HEBP1: variants seen among roughly 807,000 people sequenced by gnomAD.
HEBP1 encodes heme-binding protein 1.
HEBP1 carries 13 observed loss-of-function variants against 20.4 expected under a neutral mutation model. That is an observed-to-expected ratio of 0.64 (90% confidence interval 0.42 to 1.01). HEBP1 has a LOEUF of 1.01. HEBP1 is among the 50% of genes least tolerant of loss of function. HEBP1 has a pLI of 0.00. For missense variants in HEBP1, 241 were observed against 247.3 expected, an observed-to-expected ratio of 0.97 and a Z score of 0.17; for synonymous variants, 92 against 90.7, an observed-to-expected ratio of 1.01 and a Z score of -0.08.
intron 3 of HEBP1, among the ~76,000 whole-genome samples, chr12:12,976,964 G>A (rs941595675): frequency 6.6e-6 from 1 of 152,210 alleles, no homozygotes; most frequent in Non-Finnish European, 1.5e-5. Flanking sequence ...TCAAGTGCTG[G>A]AGGTGGAAGC....
chr12:12,983,940 A>C (rs1472527253), intron 3 of HEBP1: 6 of 329,248 alleles, frequency 1.8e-5, no homozygotes, highest in Non-Finnish European at 3.0e-5. Flanking sequence ...GAGCTGTGTC[A>C]AAAGGACCAA....
chr12:12,996,651 A>T lies in HEBP1; in HGVS notation c.78+3386T>A, dbSNP rs200879389. Among the ~76,000 whole-genome samples, 62 of 16,702 alleles carry T rather than the reference A, an allele frequency of 3.7e-3. No individual in the cohort carries two copies. Among genetic ancestry groups the T allele is most frequent in the African/African-American group, 4.8e-3 (61 of 12,822 alleles). The allele number at this position is 16,702 out of a possible 152,430, so 11.0% of individuals were successfully genotyped here. A position where few individuals can be genotyped will look rare whatever the true frequency, so the allele number is the denominator to read the frequency against. ...ATAATACCTTTATGTTTGTATATTT[A>T]AAAAAAAAAAGGTTTACAAGTATCT... On this transcript the variant is annotated intron_variant, in intron 1 of 3. Coordinates refer to ENST00000014930, the MANE Select transcript of HEBP1 (RefSeq NM_015987.5). This position sits in a 1 kb window ranked among gnomAD's most constrained non-coding sequence, Gnocchi z 4.1.
At position 12,980,567 on chromosome 12, in the gene HEBP1, T is replaced by G. The variant is rs547895784; in HGVS notation, c.399-5088A>C. On this transcript the variant is annotated intron_variant, in intron 3 of 3. Transcript: ENST00000014930. ...ATCTCTTCTTGATGCTGGCAATGAA[T>G]AGTATGACAACCTTCTGTCCTCACA... The G allele has an allele frequency of 2.6e-5, 4 of 152,420 alleles. No homozygotes were observed. In the East Asian group the frequency reaches 7.7e-4, roughly 29 times the overall value. 9.4% of individuals were successfully genotyped at this position (152,420 alleles called of 1,614,324 possible).
chr12:12,997,432 T>A (rs1244828061), intron 1 of HEBP1, among the ~76,000 whole-genome samples: 1 of 152,222 alleles, frequency 6.6e-6, no homozygotes, highest in Non-Finnish European at 1.5e-5. Context: ...GAGAATTACC[T>A]GTTACCTAAG....
chr12:12,991,759 T>C (rs940403618), intron 1 of HEBP1, among the ~76,000 whole-genome samples: 2 of 152,208 alleles, frequency 1.3e-5, no homozygotes, highest in African/African-American at 2.4e-5. Context: ...ATGAGATGCA[T>C]CCTGGCTTTT....
chr12:12,977,984 A>C (rs575511187), intron 3 of HEBP1, among the ~76,000 whole-genome samples: 11 of 152,278 alleles, frequency 7.2e-5, no homozygotes, highest in African/African-American at 2.6e-4. Context: ...TGATGTCTTC[A>C]GCCTGACAGA....
Position 12,975,413 on chromosome 12 carries a change from C to T in HEBP1, c.465G>A (p.Leu155=), listed in dbSNP as rs143559605. ...VAQATRLRAA[L]EGTATYRGDI... is the part of the protein sequence containing the mutation. ...CCCCCCGGTAGGTGGCTGTGCCCTC[C>T]AGGGCAGCACGCAGACGGGTGGCTT... is the stretch of plus-strand genomic sequence containing the variant. Residue 155 remains leucine (L), a synonymous_variant, in exon 4 of 4, where the codon CTG becomes CTA. Coordinates refer to ENST00000014930, the MANE Select transcript of HEBP1 (RefSeq NM_015987.5). 3.0e-5 allele frequency: 49 copies of T among 1,613,182 alleles called. No homozygotes were observed. The African/African-American group carries it at 5.9e-4, about 19-fold the overall frequency.
intron 1 of HEBP1, among the ~76,000 whole-genome samples, chr12:12,997,996 T>TG (rs1400435395): frequency 2.0e-5 from 3 of 152,166 alleles, no homozygotes; most frequent in Non-Finnish European, 2.9e-5. Context: ...TGTGTTGGCT[T>TG]GGGTGGGTCC....
intron 3 of HEBP1, among the ~76,000 whole-genome samples, chr12:12,978,495 G>T (rs535075426): frequency 7.2e-5 from 11 of 152,026 alleles, no homozygotes; most frequent in Non-Finnish European, 1.6e-4. Flanking sequence ...GAGCCACCAC[G>T]CCCGGCCTGG....
At chr12:12,989,447 G>A (rs1215540657) in intron 1 of HEBP1, 32 bp from the exon 2 acceptor site, 4 of 1,609,928 alleles carry the variant, frequency 2.5e-6, no homozygotes, top group Non-Finnish European at 3.4e-6. Context: ...TGTTTAAGAG[G>A]TACAAAGTAG....
At chr12:12,984,680 T>C (rs1172688880) in intron 3 of HEBP1, 1 of 152,220 alleles carries the variant, frequency 6.6e-6, no homozygotes, top group Non-Finnish European at 1.5e-5. Flanking sequence ...TAGTACCAGC[T>C]ACTTGAGAGG....
At chr12:12,976,092 A>AC (rs1349668613) in intron 3 of HEBP1, among the ~76,000 whole-genome samples, 3 of 151,626 alleles carry the variant, frequency 2.0e-5, no homozygotes, top group African/African-American at 7.3e-5. Flanking sequence ...AAAAAAAAAA[A>AC]AAAAAAACAA....
chr12:12,980,451 T>G (rs1023127179), intron 3 of HEBP1: 1 of 152,200 alleles, frequency 6.6e-6, no homozygotes, highest in African/African-American at 2.4e-5. Context: ...ACTTAGAACA[T>G]GAAGGGAAGG....
intron 3 of HEBP1, among the ~76,000 whole-genome samples, chr12:12,981,438 T>G (rs11055183): frequency 0.067 from 10,203 of 152,168 alleles, 578 homozygotes; most frequent in African/African-American, 0.15. Context: ...TATAAAAGAC[T>G]TACGGGATAA....
chr12:12,982,534 CG>C (rs1218148646), intron 3 of HEBP1, among the ~76,000 whole-genome samples: 2 of 152,160 alleles, frequency 1.3e-5, no homozygotes, highest in African/African-American at 4.8e-5. Flanking sequence ...TTTCTCTAGG[CG>C]GAACTTCCCA....
intron 1 of HEBP1, among the ~76,000 whole-genome samples, chr12:12,991,189 A>C (rs568323579): frequency 6.6e-6 from 1 of 152,302 alleles, no homozygotes; most frequent in East Asian, 1.9e-4. Context: ...AGGTGAACCC[A>C]CTGGGCAGTT....
chr12:13,000,180 G>C lies in HEBP1; in HGVS notation c.-66C>G, dbSNP rs1591580478. On this transcript the variant is annotated 5_prime_UTR_variant, in exon 1 of 4. Transcript: ENST00000014930. ...GTGGCGGGGGCGACGGAGCACCACG[G>C]GCAGCGACCACCGGCGGCAGGGCGG... 9.5e-7 allele frequency: 1 copy of C among 1,047,644 alleles called. No homozygotes were observed. The highest frequency in any genetic ancestry group is 1.4e-6 in the Non-Finnish European group (1 of 719,252). 64.9% of individuals were successfully genotyped at this position (1,047,644 alleles called of 1,614,324 possible).
chr12:12,997,998 G>C (rs926472230), intron 1 of HEBP1, among the ~76,000 whole-genome samples: 4 of 152,096 alleles, frequency 2.6e-5, no homozygotes, highest in Admixed American at 6.5e-5. Flanking sequence ...TGTTGGCTTG[G>C]GTGGGTCCTT....
At chr12:12,982,593 G>A (rs1864101082) in intron 3 of HEBP1, among the ~76,000 whole-genome samples, 1 of 152,192 alleles carries the variant, frequency 6.6e-6, no homozygotes, top group Admixed American at 6.5e-5. Context: ...AGGGAAAAAT[G>A]ACATCAGCAA....
Sources: gnomAD v4.1 joint callset for allele counts (sites outside exome capture counted in the v4.1 genomes callset) on GRCh38, gnomAD v4.1.1 for gene constraint, Gnocchi (gnomAD v3.1) non-coding constraint, MANE v1.5 for transcripts, NCBI Gene and HGNC (gene_info 2026-07-23, HGNC 2026-07-21) for gene names.